TMEM135: variants seen among roughly 807,000 people sequenced by gnomAD.
TMEM135 encodes the protein peroxisomal membrane protein 52.
A neutral mutation model predicts 60.3 loss-of-function variants in TMEM135; 30 were observed. The ratio of observed to expected loss-of-function variants is 0.50; its 90% CI spans 0.37 to 0.68. The LOEUF is 0.68. Among genes scored for constraint, TMEM135 ranks in the 30% least tolerant of loss-of-function variants. The pLI is 0.00. For synonymous variants in TMEM135, 190 were observed against 186.7 expected, an observed-to-expected ratio of 1.02 and a Z score of -0.14; for missense variants, 468 against 548.8, an observed-to-expected ratio of 0.85 and a Z score of 1.47.
At chr11:87,239,660 T>C (rs1342890402) in intron 6 of TMEM135, among the ~76,000 whole-genome samples, 1 of 151,854 alleles carries the variant, frequency 6.6e-6, no homozygotes, top group Non-Finnish European at 1.5e-5. Flanking sequence ...ATATTTGAAA[T>C]AAGTCAACTT....
Position 87,312,796 on chromosome 11 carries a change from C to T in TMEM135, c.937-629C>T, listed in dbSNP as rs540336611. 1.8e-4 allele frequency among the ~76,000 whole-genome samples: 27 copies of T among 151,988 alleles called. No individual in the cohort carries two copies. In the South Asian group the frequency reaches 4.8e-3, roughly 27 times the overall value. On this transcript the variant is annotated intron_variant, in intron 10 of 14. Transcript: ENST00000305494. ...AGCAGGCCAGATTTGGCTAGTGAGC[C>T]ATAGTTTGCTGACCCCTATTTTAGA...
intron 4 of TMEM135, among the ~76,000 whole-genome samples, chr11:87,101,749 C>G (rs1857461131): frequency 6.6e-6 from 1 of 152,110 alleles, no homozygotes. Flanking sequence ...CCGAGGCGGG[C>G]AGATCACCAG....
chr11:87,160,357 T>G (rs922444433), intron 5 of TMEM135, among the ~76,000 whole-genome samples: 7 of 152,242 alleles, frequency 4.6e-5, no homozygotes, highest in Non-Finnish European at 7.3e-5. Context: ...ATAGGAGGTC[T>G]TAAGCAGAGG....
At chr11:87,158,864 A>G (rs1041033568) in intron 5 of TMEM135, among the ~76,000 whole-genome samples, 3 of 152,208 alleles carry the variant, frequency 2.0e-5, no homozygotes, top group Admixed American at 1.3e-4. Flanking sequence ...TCATTTTGAA[A>G]AAAGAAAACT....
intron 12 of TMEM135, among the ~76,000 whole-genome samples, chr11:87,317,865 G>A (rs1289198903): frequency 6.6e-6 from 1 of 152,114 alleles, no homozygotes; most frequent in African/African-American, 2.4e-5. Flanking sequence ...TGTACAGAAA[G>A]CATTGAAGAG....
At chr11:87,060,864 A>T (rs1029287254) in intron 1 of TMEM135, among the ~76,000 whole-genome samples, 9 of 151,888 alleles carry the variant, frequency 5.9e-5, no homozygotes, top group African/African-American at 1.7e-4. Flanking sequence ...GGGTGGTCTC[A>T]ATCTCCTGAC....
intron 1 of TMEM135, among the ~76,000 whole-genome samples, chr11:87,063,441 A>G (rs1316944245): frequency 1.3e-5 from 2 of 152,222 alleles, no homozygotes; most frequent in Non-Finnish European, 2.9e-5. Flanking sequence ...ATGTTTCTGA[A>G]GGTATCTGAT....
At position 87,323,463 on chromosome 11, in the gene TMEM135, T is replaced by C. The variant is rs1234993915; in HGVS notation, c.*2130T>C. On this transcript the variant is annotated 3_prime_UTR_variant, in exon 15 of 15. Coordinates refer to ENST00000305494, the MANE Select transcript of TMEM135 (RefSeq NM_022918.4). ...GAATGATTACCTTTCTACCTCTAAC[T>C]AATCAGGTATTGATTGACAACTTTT... 2.2e-6 allele frequency: 1 copy of C among 454,058 alleles called. No homozygotes were observed. Among genetic ancestry groups the C allele is most frequent in the South Asian group, 1.6e-5 (1 of 64,474 alleles). 28.1% of individuals were successfully genotyped at this position (454,058 alleles called of 1,614,324 possible).
intron 6 of TMEM135, among the ~76,000 whole-genome samples, chr11:87,291,731 TG>T (rs1224396203): frequency 6.6e-6 from 1 of 151,716 alleles, no homozygotes; most frequent in Non-Finnish European, 1.5e-5. Context: ...TCTGTAGAGA[TG>T]GGGTTTCGCC....
intron 12 of TMEM135, among the ~76,000 whole-genome samples, chr11:87,315,650 G>C (rs1338903435): frequency 6.6e-6 from 1 of 151,864 alleles, no homozygotes; most frequent in African/African-American, 2.4e-5. Flanking sequence ...AGCTGAAATT[G>C]TTCTAAATGC....
intron 5 of TMEM135, among the ~76,000 whole-genome samples, chr11:87,200,769 A>G (rs1056220539): frequency 1.4e-4 from 22 of 152,168 alleles, no homozygotes; most frequent in Admixed American, 4.6e-4. Context: ...CCTGTTATCC[A>G]TTGAGCCTTC....
chr11:87,136,915 A>T (rs1938117696), intron 4 of TMEM135, among the ~76,000 whole-genome samples: 2 of 151,998 alleles, frequency 1.3e-5, no homozygotes. Flanking sequence ...AGTCTGTTTT[A>T]GGAAATGCCT....
At chr11:87,168,960 C>G (rs1262400741) in intron 5 of TMEM135, among the ~76,000 whole-genome samples, 1 of 152,006 alleles carries the variant, frequency 6.6e-6, no homozygotes, top group Non-Finnish European at 1.5e-5. Context: ...TCTCTAAGGA[C>G]TTGCTTTATG....
chr11:87,225,254 T>C (rs1940740529), intron 5 of TMEM135, among the ~76,000 whole-genome samples: 1 of 152,152 alleles, frequency 6.6e-6, no homozygotes, highest in Admixed American at 6.5e-5. Flanking sequence ...CCTGGCTCAA[T>C]CGCCTAACTA....
chr11:87,276,289 C>G (rs1255232498), intron 6 of TMEM135, among the ~76,000 whole-genome samples: 1 of 151,976 alleles, frequency 6.6e-6, no homozygotes, highest in African/African-American at 2.4e-5. Context: ...TCATAACAGT[C>G]TTATATAGTA....
chr11:87,325,981 A>C lies in TMEM135; in HGVS notation c.*4648A>C, dbSNP rs1287702931. The C allele has an allele frequency of 2.2e-6, 1 of 453,876 alleles. No homozygotes were observed. The highest frequency in any genetic ancestry group is 2.0e-5 in the African/African-American group (1 of 49,952). The allele number at this position is 453,876 out of a possible 1,614,324, so 28.1% of individuals were successfully genotyped here. ...CCAGCAGACCTGAAAATCCCAGTAT[A>C]TTACCACAGACACACATACCATCTG... is the stretch of plus-strand genomic sequence containing the variant. On this transcript the variant is annotated 3_prime_UTR_variant, in exon 15 of 15. Coordinates refer to ENST00000305494, the MANE Select transcript of TMEM135 (RefSeq NM_022918.4).
intron 3 of TMEM135, among the ~76,000 whole-genome samples, chr11:87,077,396 G>A (rs940174545): frequency 1.3e-5 from 2 of 152,174 alleles, no homozygotes; most frequent in East Asian, 1.9e-4. Flanking sequence ...TTCACTTGTC[G>A]AAGGACATTT....
intron 4 of TMEM135, among the ~76,000 whole-genome samples, chr11:87,109,127 C>T (rs1490285449): frequency 2.7e-4 from 41 of 152,162 alleles, no homozygotes; most frequent in Middle Eastern, 3.4e-3. Flanking sequence ...CTATTTTTGT[C>T]GTGATGATCA....
intron 4 of TMEM135, among the ~76,000 whole-genome samples, chr11:87,148,180 A>C (rs1318646048): frequency 1.3e-5 from 2 of 152,250 alleles, no homozygotes; most frequent in Non-Finnish European, 2.9e-5. Context: ...AGACATTTCA[A>C]TCAAGAATTT....
Sources: gnomAD v4.1 joint callset for allele counts (sites outside exome capture counted in the v4.1 genomes callset) on GRCh38, gnomAD v4.1.1 for gene constraint, MANE v1.5 for transcripts, NCBI Gene and HGNC (gene_info 2026-07-23, HGNC 2026-07-21) for gene names.